Variants in RIC8B observed in about 807,000 individuals in gnomAD.
RIC8B encodes RIC8 guanine nucleotide exchange factor B.
A neutral mutation model predicts 57.5 loss-of-function variants in RIC8B; 16 were observed. The observed-to-expected ratio is 0.28, with a 90% CI of 0.19 to 0.42. RIC8B has a LOEUF of 0.42. Among genes scored for constraint, RIC8B ranks in the 10% least tolerant of loss-of-function variants. The pLI is 1.00. For synonymous variants in RIC8B, 216 were observed against 250.8 expected, an observed-to-expected ratio of 0.86 and a Z score of 1.31; for missense variants, 481 against 677.0, an observed-to-expected ratio of 0.71 and a Z score of 3.21.
chr12:106,839,183 A>G (rs183467945), intron 4 of RIC8B, among the ~76,000 whole-genome samples: 2 of 152,342 alleles, frequency 1.3e-5, no homozygotes, highest in East Asian at 1.9e-4. Flanking sequence ...TCCAAAGGAA[A>G]TAAAATCACT....
chr12:106,884,621 C>T (rs974486955), intron 9 of RIC8B, among the ~76,000 whole-genome samples: 2 of 152,178 alleles, frequency 1.3e-5, no homozygotes, highest in African/African-American at 4.8e-5. Flanking sequence ...TATTCAGGAG[C>T]CTCAATTTAG....
At chr12:106,837,294 G>A (rs933767295) in intron 4 of RIC8B, among the ~76,000 whole-genome samples, 3 of 152,018 alleles carry the variant, frequency 2.0e-5, no homozygotes, top group Admixed American at 1.3e-4. Context: ...CCCAGGAGGC[G>A]GAGGTTGCAG....
chr12:106,864,763 C>T (rs1273768843), intron 8 of RIC8B, among the ~76,000 whole-genome samples: 2 of 152,124 alleles, frequency 1.3e-5, no homozygotes, highest in Non-Finnish European at 2.9e-5. Context: ...CACTGTTATG[C>T]AACCATCACC....
Position 106,821,003 on chromosome 12 carries a change from G to A in RIC8B, c.742-4723G>A, listed in dbSNP as rs557817236. On this transcript the variant is annotated intron_variant, in intron 3 of 9. Transcript: ENST00000392837. ...AGCCTTTGAAGGTGGTATCATTTCA[G>A]GAGGAGAGAATATTGATGCCCTGAA... Among the ~76,000 whole-genome samples, 223 of 152,284 alleles carry A rather than the reference G, an allele frequency of 1.5e-3. 1 individual carries two copies. Among genetic ancestry groups the A allele is most frequent in the Non-Finnish European group, 2.4e-3 (163 of 68,028 alleles).
intron 3 of RIC8B, chr12:106,823,138 AACAC>A (rs1358633271): frequency 4.9e-6 from 1 of 202,168 alleles, no homozygotes; most frequent in Admixed American, 5.3e-5. Context: ...TGACCTATTA[AACAC>A]ACACCCTCTT....
chr12:106,801,001 TTC>T (rs1433779743), intron 2 of RIC8B, among the ~76,000 whole-genome samples: 1 of 152,218 alleles, frequency 6.6e-6, no homozygotes, highest in Non-Finnish European at 1.5e-5. Flanking sequence ...ATGAGTATTG[TTC>T]TCTCATTTGG....
At chr12:106,822,077 C>CAAAAAAAAAAAAAAAAAAAAAAAAAAAAA (rs67378158) in intron 3 of RIC8B, among the ~76,000 whole-genome samples, 2 of 38,036 alleles carry the variant, frequency 5.3e-5, no homozygotes, top group African/African-American at 1.2e-4. Context: ...GACTCCATCT[C>CAAAAAAAAAAAAAAAAAAAAAAAAAAAAA]AAAAAAAAAA....
At chr12:106,790,450 T>C (rs186628071) in intron 2 of RIC8B, among the ~76,000 whole-genome samples, 187 of 152,330 alleles carry the variant, frequency 1.2e-3, no homozygotes, top group African/African-American at 3.6e-3. Flanking sequence ...TCCAGGTGCA[T>C]GTGGATCATT....
At chr12:106,784,521 G>T (rs768751778) in intron 2 of RIC8B, among the ~76,000 whole-genome samples, 10 of 152,128 alleles carry the variant, frequency 6.6e-5, no homozygotes, top group Non-Finnish European at 1.5e-4. Context: ...ACACCAGCAT[G>T]CCCATTTTAA....
intron 9 of RIC8B, chr12:106,874,413 AAAGGATAGGG>A: frequency 8.3e-7 from 1 of 1,211,116 alleles, no homozygotes; most frequent in Non-Finnish European, 1.2e-6. Flanking sequence ...GCATGTGAGT[AAAGGATAGGG>A]TTGGAGGTGA....
chr12:106,783,156 G>T (rs2043843249), intron 1 of RIC8B, among the ~76,000 whole-genome samples: 1 of 152,124 alleles, frequency 6.6e-6, no homozygotes, highest in African/African-American at 2.4e-5. Context: ...TGCCTTTCCA[G>T]TTATTTTTTC....
intron 9 of RIC8B, among the ~76,000 whole-genome samples, chr12:106,884,309 C>T (rs1566190225): frequency 6.6e-6 from 1 of 152,226 alleles, no homozygotes; most frequent in Non-Finnish European, 1.5e-5. Context: ...CAGTATATGA[C>T]ATAGTTCCTG....
chr12:106,867,923 G>T lies in RIC8B; in HGVS notation c.1452-2900G>T, dbSNP rs573711643. ...GGAGGGTTGGAATGTTTTACTCTAT[G>T]GCAAAAAATGAGTTCTTACTCTGTA... is the stretch of plus-strand genomic sequence containing the variant. On this transcript the variant is annotated intron_variant, in intron 8 of 9. Coordinates refer to ENST00000392837, the MANE Select transcript of RIC8B (RefSeq NM_001330145.2). This position sits in a 1 kb window ranked among gnomAD's most constrained non-coding sequence, Gnocchi z 4.3. 6.6e-6 allele frequency among the ~76,000 whole-genome samples: 1 copy of T among 152,124 alleles called. No homozygotes were observed. Among genetic ancestry groups the T allele is most frequent in the East Asian group, 1.9e-4 (1 of 5,188 alleles).
chr12:106,849,084 A>G (rs1177696732), intron 6 of RIC8B, among the ~76,000 whole-genome samples: 1 of 152,032 alleles, frequency 6.6e-6, no homozygotes, highest in Admixed American at 6.5e-5. Context: ...TGATGTCAAC[A>G]ATAATTTGTT....
intron 2 of RIC8B, among the ~76,000 whole-genome samples, chr12:106,790,595 A>C (rs1006570108): frequency 6.6e-6 from 1 of 152,230 alleles, no homozygotes; most frequent in Admixed American, 6.5e-5. Flanking sequence ...TGGGGAGGAT[A>C]TAATGAATAA....
chr12:106,818,568 C>G (rs1424274909), intron 3 of RIC8B, among the ~76,000 whole-genome samples: 1 of 152,152 alleles, frequency 6.6e-6, no homozygotes. Context: ...TCAAGCCGTC[C>G]TCCTGAGTAG....
intron 4 of RIC8B, 38 bp downstream of exon 4, chr12:106,825,858 T>A (rs748658966): frequency 5.1e-6 from 7 of 1,362,356 alleles, no homozygotes; most frequent in Non-Finnish European, 6.3e-6. Context: ...ATGAAGGACA[T>A]CATCAGTTGT....
At chr12:106,876,370 A>G (rs1950665111) in intron 9 of RIC8B, among the ~76,000 whole-genome samples, 1 of 152,190 alleles carries the variant, frequency 6.6e-6, no homozygotes, top group Non-Finnish European at 1.5e-5. Flanking sequence ...AATTTTACCT[A>G]TTCTTTTTCA....
At chr12:106,875,175 G>A (rs2136629840) in intron 9 of RIC8B, among the ~76,000 whole-genome samples, 1 of 151,946 alleles carries the variant, frequency 6.6e-6, no homozygotes, top group African/African-American at 2.4e-5. Context: ...TTAAATATTG[G>A]GGTCCATAAT....
Sources: allele counts gnomAD v4.1 joint callset (sites outside exome capture counted in the v4.1 genomes callset), GRCh38; gene constraint gnomAD v4.1.1; non-coding constraint Gnocchi (gnomAD v3.1); transcripts MANE v1.5; gene names NCBI Gene and HGNC (gene_info 2026-07-23, HGNC 2026-07-21).